The following KCNMB2 variants were observed in gnomAD, a reference collection of about 807,000 sequenced individuals.
KCNMB2 encodes the protein calcium-activated potassium channel subunit beta-2.
Under a neutral mutation model 24.5 loss-of-function variants are expected in KCNMB2, and 9 were observed. The ratio of observed to expected loss-of-function variants is 0.37; its 90% CI spans 0.22 to 0.64. KCNMB2 has a LOEUF of 0.64. KCNMB2 is among the 30% of genes least tolerant of loss of function. KCNMB2 has a pLI of 0.63. For synonymous variants in KCNMB2, 109 were observed against 104.4 expected, an observed-to-expected ratio of 1.04 and a Z score of -0.27; for missense variants, 226 against 284.3, an observed-to-expected ratio of 0.79 and a Z score of 1.47.
intron 1 of KCNMB2, among the ~76,000 whole-genome samples, chr3:178,578,739 T>C (rs1051730246): frequency 3.3e-5 from 5 of 152,156 alleles, no homozygotes; most frequent in Non-Finnish European, 7.4e-5. Flanking sequence ...TAGTCTCTGA[T>C]AAAACAGACT....
chr3:178,635,092 G>C (rs1542527), intron 1 of KCNMB2, among the ~76,000 whole-genome samples: 79,444 of 151,894 alleles, frequency 0.52, 21,505 homozygotes, highest in African/African-American at 0.67. Context: ...GGGCAGCACC[G>C]CAGACAAGGT....
chr3:178,763,427 G>A (rs1053449289), intron 1 of KCNMB2, among the ~76,000 whole-genome samples: 3 of 152,084 alleles, frequency 2.0e-5, no homozygotes, highest in African/African-American at 7.2e-5. Flanking sequence ...AAGGATTATA[G>A]GAAAAGACTG....
chr3:178,672,018 T>TG (rs1720917210), intron 1 of KCNMB2, among the ~76,000 whole-genome samples: 1 of 152,150 alleles, frequency 6.6e-6, no homozygotes, highest in South Asian at 2.1e-4. Flanking sequence ...CATCTCTCAC[T>TG]GGGCATGTTA....
chr3:178,614,248 T>TATATATAC (rs1718602853), intron 1 of KCNMB2, among the ~76,000 whole-genome samples: 1 of 3,114 alleles, frequency 3.2e-4, no homozygotes, highest in Non-Finnish European at 6.0e-4. Context: ...GGGCTAATTT[T>TATATATAC]ATATATATAT....
At chr3:178,742,995 T>A (rs1577142180) in intron 1 of KCNMB2, among the ~76,000 whole-genome samples, 1 of 152,076 alleles carries the variant, frequency 6.6e-6, no homozygotes, top group South Asian at 2.1e-4. Context: ...TCTGTGGCTG[T>A]TACAAGAAAC....
At chr3:178,784,464 G>T (rs2108434865) in intron 1 of KCNMB2, among the ~76,000 whole-genome samples, 1 of 152,228 alleles carries the variant, frequency 6.6e-6, no homozygotes, top group Non-Finnish European at 1.5e-5. Flanking sequence ...GAATCTATAT[G>T]CTACAAAATG....
intron 2 of KCNMB2, among the ~76,000 whole-genome samples, chr3:178,813,804 TG>T (rs1714290365): frequency 6.6e-6 from 1 of 152,242 alleles, no homozygotes. Context: ...TTCTCCCATT[TG>T]GAAATTTGGA....
chr3:178,806,620 A>C (rs1347040569), intron 1 of KCNMB2, among the ~76,000 whole-genome samples: 1 of 151,842 alleles, frequency 6.6e-6, no homozygotes, highest in African/African-American at 2.4e-5. Context: ...TGTGGAAAAC[A>C]ATAATAGCTA....
intron 1 of KCNMB2, among the ~76,000 whole-genome samples, chr3:178,686,863 A>AT (rs1721490147): frequency 1.3e-5 from 2 of 151,292 alleles, no homozygotes; most frequent in South Asian, 4.2e-4. Flanking sequence ...GAAACCTTAC[A>AT]TTTAAAAAAA....
intron 1 of KCNMB2, among the ~76,000 whole-genome samples, chr3:178,757,664 G>A (rs372810831): frequency 8.3e-5 from 2 of 24,130 alleles, no homozygotes; most frequent in Non-Finnish European, 7.5e-5. Flanking sequence ...ATATATATAT[G>A]TATATATATC....
chr3:178,704,450 C>A (rs77646430), intron 1 of KCNMB2, among the ~76,000 whole-genome samples: 1 of 152,116 alleles, frequency 6.6e-6, no homozygotes, highest in East Asian at 1.9e-4. Context: ...TTAAATCCAA[C>A]AAAATTAAGA....
At position 178,735,620 on chromosome 3, in the gene KCNMB2, C is replaced by T. The variant is rs142904860; in HGVS notation, c.-67-71723C>T. Among the ~76,000 whole-genome samples, 120 of 152,290 alleles carry T rather than the reference C, an allele frequency of 7.9e-4. 1 individual carries two copies. Among genetic ancestry groups the T allele is most frequent in the African/African-American group, 2.7e-3 (114 of 41,564 alleles). On this transcript the variant is annotated intron_variant, in intron 1 of 4. Coordinates refer to ENST00000452583, the MANE Select transcript of KCNMB2 (RefSeq NM_181361.3). ...CAATCTTTACATATCTAAATCAATACATATCTAAAGTGGAGGTAAGCTCTA... is the reference window on the plus strand; with the variant it reads ...CAATCTTTACATATCTAAATCAATATATATCTAAAGTGGAGGTAAGCTCTA...
chr3:178,619,064 G>A (rs902970494), intron 1 of KCNMB2, among the ~76,000 whole-genome samples: 4 of 152,084 alleles, frequency 2.6e-5, no homozygotes, highest in Non-Finnish European at 4.4e-5. Flanking sequence ...AGCAGTCATC[G>A]TTAATTCTTT....
At chr3:178,696,479 T>A (rs1202057322) in intron 1 of KCNMB2, among the ~76,000 whole-genome samples, 1 of 152,220 alleles carries the variant, frequency 6.6e-6, no homozygotes, top group Non-Finnish European at 1.5e-5. Flanking sequence ...TATTTGAATC[T>A]TTTCTCTTTT....
At chr3:178,692,767 T>G (rs1433867294) in intron 1 of KCNMB2, among the ~76,000 whole-genome samples, 1 of 152,176 alleles carries the variant, frequency 6.6e-6, no homozygotes, top group Non-Finnish European at 1.5e-5. Flanking sequence ...TTAAAATAGA[T>G]TTTTCTAGTT....
chr3:178,759,170 TAC>T (rs1447108910), intron 1 of KCNMB2, among the ~76,000 whole-genome samples: 1 of 87,436 alleles, frequency 1.1e-5, no homozygotes, highest in African/African-American at 4.7e-5. Context: ...CCAAGAGGGA[TAC>T]ATATATATAT....
chr3:178,803,817 G>A lies in KCNMB2; in HGVS notation c.-67-3526G>A, dbSNP rs560165326. ...CACCATGAAGGCAGAAGGAATGGCC[G>A]AACTGAATCATGGAAACAGAAACTA... On this transcript the variant is annotated intron_variant, in intron 1 of 4. Transcript: ENST00000452583. Among the ~76,000 whole-genome samples the A allele has an allele frequency of 1.1e-4, 16 of 152,258 alleles. No individual in the cohort carries two copies. In the South Asian group the frequency reaches 1.9e-3, roughly 18 times the overall value.
intron 1 of KCNMB2, among the ~76,000 whole-genome samples, chr3:178,782,889 T>C (rs909100280): frequency 2.0e-5 from 3 of 151,538 alleles, no homozygotes; most frequent in African/African-American, 7.3e-5. Flanking sequence ...TGAATGGTAA[T>C]GCCTAGGTTT....
chr3:178,841,724 G>A (rs1256663129), intron 4 of KCNMB2: 1 of 152,080 alleles, frequency 6.6e-6, no homozygotes, highest in East Asian at 1.9e-4. Context: ...AAAAGCATGG[G>A]GGAAACTGCC....
Sources: allele counts gnomAD v4.1 joint callset (sites outside exome capture counted in the v4.1 genomes callset), GRCh38; gene constraint gnomAD v4.1.1; transcripts MANE v1.5; gene names NCBI Gene and HGNC (gene_info 2026-07-23, HGNC 2026-07-21).